Variants in STEAP4 observed in about 807,000 individuals in gnomAD.
The protein encoded by STEAP4 is STEAP4 metalloreductase.
STEAP4 carries 36 observed loss-of-function variants against 43.6 expected under a neutral mutation model. That is an observed-to-expected ratio of 0.83 (90% confidence interval 0.63 to 1.09). The LOEUF is 1.09. Ranked by LOEUF, STEAP4 falls within the 50% of genes least tolerant of loss-of-function variation. The pLI is 0.00. For missense variants in STEAP4, 495 were observed against 546.5 expected (o/e 0.91, Z 0.94); for synonymous variants, 191 against 196.7 (o/e 0.97, Z 0.24).
Position 88,271,915 on chromosome 7 carries a change from T to C in STEAP4, c.*7483A>G, listed in dbSNP as rs1852442731. The C allele has an allele frequency of 6.6e-6, 1 of 152,218 alleles. No individual in the cohort carries two copies. The highest frequency in any genetic ancestry group is 1.5e-5 in the Non-Finnish European group (1 of 68,032). The allele number at this position is 152,218 out of a possible 1,614,324, so 9.4% of individuals were successfully genotyped here. On this transcript the variant is annotated 3_prime_UTR_variant, in exon 5 of 5. Coordinates refer to ENST00000380079, the MANE Select transcript of STEAP4 (RefSeq NM_024636.4). The stretch of plus-strand genomic sequence containing the variant: ...CAGTTACAATTTTCATGCGTCTCAT[T>C]ATGAATGAAGTAGAATATATTTTCA...
intron 1 of STEAP4, among the ~76,000 whole-genome samples, chr7:88,303,144 A>C (rs975271734): frequency 6.7e-6 from 1 of 149,032 alleles, no homozygotes; most frequent in African/African-American, 2.5e-5. Context: ...ATGAAAAGGG[A>C]ACTTTATCCT....
rs1212845236 is a variant in STEAP4 at position 88,284,056 on chromosome 7, T to C, written c.214A>G (p.Lys72Glu). ...AEVLSYSEAA[K>E]KSGIIIIAIH... Reference sequence around the variant, plus strand: ...GCTATGATTATGATGCCAGACTTCTTGGCTGCTTCTGAATAGCTCAAGACT... The same window carrying C: ...GCTATGATTATGATGCCAGACTTCTCGGCTGCTTCTGAATAGCTCAAGACT... The change falls in exon 2 of 5, where the codon AAG becomes GAG. Residue 72 changes from lysine (K) to glutamate (E), a missense_variant. Physicochemically the swap from Lys to Glu is moderately conservative, Grantham distance 56. Transcript: ENST00000380079. 1 of 1,614,148 alleles carries C rather than the reference T, an allele frequency of 6.2e-7. No individual in the cohort carries two copies. Among genetic ancestry groups the C allele is most frequent in the African/African-American group, 1.3e-5 (1 of 75,038 alleles).
rs1250876675 is a variant in STEAP4 at position 88,275,660 on chromosome 7, T to C, written c.*3738A>G. The C allele has an allele frequency of 6.6e-6, 1 of 151,104 alleles. No homozygotes were observed. Among genetic ancestry groups the C allele is most frequent in the Non-Finnish European group, 1.5e-5 (1 of 68,334 alleles). The allele number at this position is 151,104 out of a possible 1,614,324, so 9.4% of individuals were successfully genotyped here. A position where few individuals can be genotyped will look rare whatever the true frequency, so the allele number is the denominator to read the frequency against. On this transcript the variant is annotated 3_prime_UTR_variant, in exon 5 of 5. Coordinates refer to ENST00000380079, the MANE Select transcript of STEAP4 (RefSeq NM_024636.4). ...GTTGGAGAAGTGGTAGTGAAGATGA[T>C]GGTTGTGATGATGGAGAATGAAAAT...
Position 88,284,254 on chromosome 7 carries a change from T to C in STEAP4, c.16A>G (p.Ile6Val). Residue 6 changes from isoleucine (I) to valine (V), a missense_variant, in exon 2 of 5, where the codon ATA becomes GTA. Physicochemically the swap from Ile to Val is conservative, Grantham distance 29. Coordinates refer to ENST00000380079, the MANE Select transcript of STEAP4 (RefSeq NM_024636.4). Reference protein sequence around the residue: MEKTCIDALPLTMNSS... With the variant: MEKTCVDALPLTMNSS... ...TTCATAGTAAGAGGAAGTGCATCTA[T>C]ACAAGTTTTCTCCATAACTGAAAAA... is the stretch of plus-strand genomic sequence containing the variant. 6.3e-7 allele frequency: 1 copy of C among 1,587,134 alleles called. No homozygotes were observed.
chr7:88,297,779 T>C (rs1207332962), intron 1 of STEAP4, among the ~76,000 whole-genome samples: 1 of 152,090 alleles, frequency 6.6e-6, no homozygotes, highest in Non-Finnish European at 1.5e-5. Flanking sequence ...CTTACAAAAA[T>C]ACAGCTGCTC....
rs1852553112 is a variant in STEAP4, at chr7:88,278,529, T to C, written c.*869A>G. 1 of 152,220 alleles carries C rather than the reference T, an allele frequency of 6.6e-6. No individual in the cohort carries two copies. The highest frequency in any genetic ancestry group is 2.4e-5 in the African/African-American group (1 of 41,456). 9.4% of individuals were successfully genotyped at this position (152,220 alleles called of 1,614,324 possible). On this transcript the variant is annotated 3_prime_UTR_variant, in exon 5 of 5. Coordinates refer to ENST00000380079, the MANE Select transcript of STEAP4 (RefSeq NM_024636.4). The stretch of plus-strand genomic sequence containing the variant: ...AAAGCATATTATAATACCTAAATAA[T>C]ACTTAACCTAATATAGTGCAATTTT...
Position 88,278,537 on chromosome 7 carries a change from C to G in STEAP4, c.*861G>C, listed in dbSNP as rs1563494664. On this transcript the variant is annotated 3_prime_UTR_variant, in exon 5 of 5. Transcript: ENST00000380079. ...TTATAATACCTAAATAATACTTAACCTAATATAGTGCAATTTTACAATATT... is the reference window on the plus strand; with the variant it reads ...TTATAATACCTAAATAATACTTAACGTAATATAGTGCAATTTTACAATATT... The G allele has an allele frequency of 6.6e-6, 1 of 152,078 alleles. No individual in the cohort carries two copies. Among genetic ancestry groups the G allele is most frequent in the Non-Finnish European group, 1.5e-5 (1 of 68,012 alleles). 9.4% of individuals were successfully genotyped at this position (152,078 alleles called of 1,614,324 possible).
In STEAP4 at chr7:88,281,077, T is replaced by C. The variant is rs749799574; in HGVS notation, c.987A>G (p.Ala329=). ...TAAATGGATTCTCCTTCTTGAGTAT[T>C]GCCTAAGAAAAATTATAAGCAATTA... ...WRLGNLTVTQ[A]ILKKENPFST... is the part of the protein sequence containing the mutation. The change falls in exon 4 of 5, where the codon GCA becomes GCG. Residue 329 remains alanine, a splice_region_variant and synonymous_variant. Coordinates refer to ENST00000380079, the MANE Select transcript of STEAP4 (RefSeq NM_024636.4). 6.4e-7 allele frequency: 1 copy of C among 1,564,562 alleles called. No homozygotes were observed. Among genetic ancestry groups the C allele is most frequent in the South Asian group, 1.2e-5 (1 of 82,920 alleles).
chr7:88,303,632 G>T (rs534576591), intron 1 of STEAP4, among the ~76,000 whole-genome samples: 8 of 152,284 alleles, frequency 5.3e-5, no homozygotes, highest in African/African-American at 1.9e-4. Context: ...AGATTGGGAT[G>T]TCAATGTCCT....
rs1259045978 is a variant in STEAP4 at position 88,286,435 on chromosome 7, AT to A, written c.-2-2165del. On this transcript the variant is annotated intron_variant, in intron 1 of 4. Coordinates refer to ENST00000380079, the MANE Select transcript of STEAP4 (RefSeq NM_024636.4). ...ATCTTTTTGAACTTCAGGATATCTA[AT>A]TTTTTTTTTTAAACTTATAATTTGA... 6.2e-3 allele frequency among the ~76,000 whole-genome samples: 924 copies of A among 149,696 alleles called. 7 individuals carry two copies. The highest frequency in any genetic ancestry group is 0.018 in the African/African-American group (754 of 40,950).
intron 1 of STEAP4, among the ~76,000 whole-genome samples, chr7:88,301,375 A>T (rs1057322593): frequency 4.6e-5 from 7 of 152,098 alleles, no homozygotes. Flanking sequence ...CAGGCTCAAG[A>T]GATCTTCCCA....
rs1563492692 is a variant in STEAP4 at position 88,274,543 on chromosome 7, G to A, written c.*4855C>T. 6.6e-6 allele frequency: 1 copy of A among 152,168 alleles called. No homozygotes were observed. The highest frequency in any genetic ancestry group is 1.5e-5 in the Non-Finnish European group (1 of 68,052). 9.4% of individuals were successfully genotyped at this position (152,168 alleles called of 1,614,324 possible). ...GTTACCAGAAAGGGGGTCCAATACA[G>A]ACCCCAAGAGAGAGTTCTTGGATCT... On this transcript the variant is annotated 3_prime_UTR_variant, in exon 5 of 5. Coordinates refer to ENST00000380079, the MANE Select transcript of STEAP4 (RefSeq NM_024636.4).
At chr7:88,286,805 A>ACACG (rs199858371) in intron 1 of STEAP4, among the ~76,000 whole-genome samples, 1 of 109,844 alleles carries the variant, frequency 9.1e-6, no homozygotes, top group Non-Finnish European at 2.3e-5. Flanking sequence ...ACACACACAC[A>ACACG]CACGCAAACA....
intron 1 of STEAP4, among the ~76,000 whole-genome samples, chr7:88,293,578 A>G (rs1293360577): frequency 2.0e-5 from 3 of 152,184 alleles, no homozygotes; most frequent in Admixed American, 6.5e-5. Flanking sequence ...AGTTTTACTT[A>G]TAAGTCTATG....
intron 1 of STEAP4, among the ~76,000 whole-genome samples, chr7:88,295,563 C>G (rs898798844): frequency 1.3e-5 from 2 of 152,044 alleles, no homozygotes; most frequent in Non-Finnish European, 2.9e-5. Context: ...CTTTTATCAG[C>G]TTTTATGTTA....
At position 88,283,893 on chromosome 7, in the gene STEAP4, G is replaced by A. The variant is rs766470979; in HGVS notation, c.377C>T (p.Pro126Leu). ...AAATGCTTTTACCACGTGGGCTCCT[G>A]GCACCAAATGAGCAAGGTACTCTGC... ...SNAEYLAHLV[P>L]GAHVVKAFNT... The change falls in exon 2 of 5, where the codon CCA becomes CTA. Residue 126 changes from proline (P) to leucine (L), a missense_variant. Transcript: ENST00000380079. The A allele has an allele frequency of 1.2e-6, 2 of 1,614,112 alleles. No individual in the cohort carries two copies. Among genetic ancestry groups the A allele is most frequent in the South Asian group, 2.2e-5 (2 of 91,078 alleles).
intron 1 of STEAP4, among the ~76,000 whole-genome samples, chr7:88,300,927 C>G (rs1240641403): frequency 6.6e-6 from 1 of 152,178 alleles, no homozygotes; most frequent in Non-Finnish European, 1.5e-5. Flanking sequence ...AACAAAGGTT[C>G]CAGACCCTCT....
rs1417542155 is a variant in STEAP4, at chr7:88,277,229, C to T, written c.*2169G>A. ...ATACTGTAGGGTCAGCACCGTATAC[C>T]ATGACTCTACTCAATGTCGTCCAAC... On this transcript the variant is annotated 3_prime_UTR_variant, in exon 5 of 5. Coordinates refer to ENST00000380079, the MANE Select transcript of STEAP4 (RefSeq NM_024636.4). The T allele has an allele frequency of 6.6e-6, 1 of 152,168 alleles. No homozygotes were observed. Among genetic ancestry groups the T allele is most frequent in the African/African-American group, 2.4e-5 (1 of 41,438 alleles). 9.4% of individuals were successfully genotyped at this position (152,168 alleles called of 1,614,324 possible). A position where few individuals can be genotyped will look rare whatever the true frequency, so the allele number is the denominator to read the frequency against.
rs1260798212 is a variant in STEAP4, at chr7:88,283,001, A to G, written c.624T>C (p.Ala208=). 1.9e-6 allele frequency: 3 copies of G among 1,613,814 alleles called. No individual in the cohort carries two copies. The highest frequency in any genetic ancestry group is 1.7e-5 in the Admixed American group (1 of 59,950). ...AGAAAAACAAGAAGACACACAGCACAGCAGACAAATAGAAGGGGAACCTCC... is the reference window on the plus strand; with the variant it reads ...AGAAAAACAAGAAGACACACAGCACGGCAGACAAATAGAAGGGGAACCTCC... The part of the protein sequence containing the change: ...PMWRFPFYLS[A]VLCVFLFFYC... The change falls in exon 3 of 5, where the codon GCT becomes GCC. Residue 208 remains alanine (A), a synonymous_variant. Transcript: ENST00000380079.
Sources: allele counts gnomAD v4.1 joint callset (sites outside exome capture counted in the v4.1 genomes callset), GRCh38; gene constraint gnomAD v4.1.1; transcripts MANE v1.5; gene names NCBI Gene and HGNC (gene_info 2026-07-23, HGNC 2026-07-21).